Variants in MMP16 observed in about 807,000 individuals in gnomAD.
The protein encoded by MMP16 is matrix metalloproteinase-16.
MMP16 carries 12 observed loss-of-function variants against 67.8 expected under a neutral mutation model. That is an observed-to-expected ratio of 0.18 (90% CI 0.11 to 0.29). The LOEUF (loss-of-function observed/expected upper bound fraction) is 0.29, where lower values mean the gene tolerates loss of function less well. MMP16 is among the 10% of genes least tolerant of loss of function. The pLI is 1.00. For synonymous variants in MMP16, 249 were observed against 255.9 expected, an observed-to-expected ratio of 0.97 and a Z score of 0.26; for missense variants, 475 against 765.7, an observed-to-expected ratio of 0.62 and a Z score of 4.48.
At chr8:88,176,445 C>T (rs1175710528) in intron 3 of MMP16, among the ~76,000 whole-genome samples, 2 of 152,272 alleles carry the variant, frequency 1.3e-5, no homozygotes, top group East Asian at 3.9e-4. Flanking sequence ...TTAGGGTACA[C>T]TGCCAACAGT....
intron 6 of MMP16, among the ~76,000 whole-genome samples, chr8:88,095,331 G>C (rs548371873): frequency 1.5e-4 from 23 of 151,680 alleles, no homozygotes; most frequent in Admixed American, 1.3e-3. Context: ...GAAATGGCAT[G>C]TTAGAAAGTA....
intron 6 of MMP16, among the ~76,000 whole-genome samples, chr8:88,101,869 T>C (rs1809150767): frequency 6.6e-6 from 1 of 151,890 alleles, no homozygotes; most frequent in African/African-American, 2.4e-5. Flanking sequence ...GACATATCCC[T>C]GCTATCTGGC....
At position 88,058,841 on chromosome 8, in the gene MMP16, A is replaced by G. The variant is rs1294347694; in HGVS notation, c.1223-2563T>C. Among the ~76,000 whole-genome samples, 2 of 152,134 alleles carry G rather than the reference A, an allele frequency of 1.3e-5. No homozygotes were observed. Among genetic ancestry groups the G allele is most frequent in the Non-Finnish European group, 2.9e-5 (2 of 67,994 alleles). ...GGAAGTCATTGAACAGTTAAATCAAAAAGTTCTTTGACAGTGGTTTGGACC... is the reference window on the plus strand; with the variant it reads ...GGAAGTCATTGAACAGTTAAATCAAGAAGTTCTTTGACAGTGGTTTGGACC... On this transcript the variant is annotated intron_variant, in intron 7 of 9. Coordinates refer to ENST00000286614, the MANE Select transcript of MMP16 (RefSeq NM_005941.5). This position sits in a 1 kb window ranked among gnomAD's most constrained non-coding sequence, Gnocchi z 4.2.
At chr8:88,286,045 G>C (rs571795438) in intron 1 of MMP16, among the ~76,000 whole-genome samples, 7 of 152,198 alleles carry the variant, frequency 4.6e-5, no homozygotes, top group African/African-American at 1.4e-4. Context: ...ATTTCAAAAA[G>C]TCAGTAACAG....
intron 7 of MMP16, among the ~76,000 whole-genome samples, chr8:88,065,512 A>G (rs1808453019): frequency 2.6e-5 from 4 of 152,076 alleles, no homozygotes; most frequent in Admixed American, 2.6e-4. Flanking sequence ...AAATATTTAT[A>G]ATTCAAAAAA....
chr8:88,213,406 G>T (rs6469299), intron 1 of MMP16, among the ~76,000 whole-genome samples: 1 of 151,866 alleles, frequency 6.6e-6, no homozygotes, highest in South Asian at 2.1e-4. Context: ...ATATTCTACC[G>T]TATTCAATAT....
intron 1 of MMP16, among the ~76,000 whole-genome samples, chr8:88,318,081 C>T (rs1037870124): frequency 1.1e-4 from 16 of 152,146 alleles, no homozygotes; most frequent in Admixed American, 3.3e-4. Context: ...CAGTCAGTAG[C>T]TATAGACACA....
At chr8:88,191,700 T>C (rs1338695043) in intron 2 of MMP16, among the ~76,000 whole-genome samples, 1 of 152,208 alleles carries the variant, frequency 6.6e-6, no homozygotes. Context: ...AAAGTGTCCA[T>C]TAGCTTCAGT....
intron 1 of MMP16, among the ~76,000 whole-genome samples, chr8:88,285,872 A>G (rs1228185333): frequency 6.6e-6 from 1 of 152,166 alleles, no homozygotes; most frequent in African/African-American, 2.4e-5. Context: ...CATTCCTCAA[A>G]TAAAACGTTT....
chr8:88,111,831 T>C (rs116370353), intron 6 of MMP16, among the ~76,000 whole-genome samples: 275 of 151,858 alleles, frequency 1.8e-3, no homozygotes, highest in African/African-American at 6.3e-3. Flanking sequence ...CCATACTCCA[T>C]ATTTACTTGA....
intron 4 of MMP16, among the ~76,000 whole-genome samples, chr8:88,119,351 C>G (rs1328433861): frequency 6.6e-6 from 1 of 151,870 alleles, no homozygotes; most frequent in East Asian, 1.9e-4. Flanking sequence ...GATTGGGACT[C>G]AAGATATTTT....
chr8:88,165,359 C>G (rs1808695526), intron 4 of MMP16, among the ~76,000 whole-genome samples: 1 of 151,598 alleles, frequency 6.6e-6, no homozygotes, highest in Non-Finnish European at 1.5e-5. Flanking sequence ...GGTCACAAAG[C>G]CAAATTAACA....
In MMP16 at chr8:88,037,320, C is replaced by CA. The variant is rs1043087745; in HGVS notation, c.*4140dup. The CA allele has an allele frequency of 1.3e-5, 2 of 150,128 alleles. No individual in the cohort carries two copies. The highest frequency in any genetic ancestry group is 4.9e-5 in the African/African-American group (2 of 40,822). 9.3% of individuals were successfully genotyped at this position (150,128 alleles called of 1,614,324 possible). On this transcript the variant is annotated 3_prime_UTR_variant, in exon 10 of 10. Transcript: ENST00000286614. ...ATGAAATGGCCAAATTATGTGTTAA[C>CA]AAAAAAAGATTATAGGTAATTATTA...
intron 1 of MMP16, among the ~76,000 whole-genome samples, chr8:88,210,527 CA>C (rs1809497260): frequency 6.6e-6 from 1 of 152,076 alleles, no homozygotes; most frequent in Admixed American, 6.6e-5. Context: ...GGTTATTTAC[CA>C]CCGTACTCTC....
chr8:88,297,568 G>T (rs566624033), intron 1 of MMP16, among the ~76,000 whole-genome samples: 3 of 152,188 alleles, frequency 2.0e-5, no homozygotes. Flanking sequence ...CTCAGCAGTG[G>T]TCTGCCAGAG....
At chr8:88,202,246 G>A (rs138943327) in intron 1 of MMP16, among the ~76,000 whole-genome samples, 1 of 152,118 alleles carries the variant, frequency 6.6e-6, no homozygotes, top group Admixed American at 6.5e-5. Flanking sequence ...CAATTAAGAG[G>A]CAACTGTCAT....
At position 88,116,522 on chromosome 8, in the gene MMP16, C is replaced by A. The variant is rs772106112; in HGVS notation, c.1068G>T (p.Glu356Asp). 1.9e-6 allele frequency: 3 copies of A among 1,613,260 alleles called. No homozygotes were observed. The highest frequency in any genetic ancestry group is 2.5e-6 in the Non-Finnish European group (3 of 1,179,676). Residue 356 changes from glutamate to aspartate, a missense_variant, in exon 6 of 10, where the codon GAG (glutamate) becomes GAT (aspartate). Around this residue, in one of 5 missense-constraint regions of MMP16, gnomAD observed 195 missense variants for 300.9 expected, o/e 0.65. Transcript: ENST00000286614. ...NFNTLAILRR[E>D]MFVFKDQWFW... ...AGTCTCCTACCTTGAAAACAAACAT[C>A]TCACGACGAAGAATAGCTAGAGTGT...
chr8:88,281,379 C>T (rs1810733469), intron 1 of MMP16, among the ~76,000 whole-genome samples: 2 of 152,156 alleles, frequency 1.3e-5, no homozygotes, highest in Admixed American at 1.3e-4. Flanking sequence ...AGCATTCCAA[C>T]ATGCTTCTTC....
intron 1 of MMP16, among the ~76,000 whole-genome samples, chr8:88,235,918 T>A (rs1185645370): frequency 1.1e-4 from 17 of 149,734 alleles, no homozygotes; most frequent in Admixed American, 4.0e-4. Context: ...AAAAAAAAAG[T>A]TTCATATATA....
Sources: allele counts gnomAD v4.1 joint callset (sites outside exome capture counted in the v4.1 genomes callset), GRCh38; gene constraint gnomAD v4.1.1; regional missense constraint gnomAD v4.1.1; non-coding constraint Gnocchi (gnomAD v3.1); transcripts MANE v1.5; gene names NCBI Gene and HGNC (gene_info 2026-07-23, HGNC 2026-07-21).